Variants in ITFG1 observed in about 807,000 individuals in gnomAD.
ITFG1 encodes the protein T-cell immunomodulatory protein.
ITFG1 carries 34 observed loss-of-function variants against 81.8 expected under a neutral mutation model. The ratio of observed to expected loss-of-function variants is 0.42; its 90% CI spans 0.32 to 0.55. The LOEUF (loss-of-function observed/expected upper bound fraction) is 0.55, where lower values mean the gene tolerates loss of function less well. Among genes scored for constraint, ITFG1 ranks in the 20% least tolerant of loss-of-function variants. ITFG1 has a pLI of 0.17. For missense variants in ITFG1, 672 were observed against 755.4 expected (o/e 0.89, Z 1.29); for synonymous variants, 285 against 270.6 (o/e 1.05, Z -0.52).
At chr16:47,290,780 T>G (rs1056719043) in intron 10 of ITFG1, among the ~76,000 whole-genome samples, 1 of 152,154 alleles carries the variant, frequency 6.6e-6, no homozygotes, top group Non-Finnish European at 1.5e-5. Flanking sequence ...ATCTTTTAAG[T>G]GGGAAATTTA....
intron 14 of ITFG1, among the ~76,000 whole-genome samples, chr16:47,182,047 A>G (rs1006082907): frequency 5.9e-5 from 9 of 152,112 alleles, no homozygotes; most frequent in African/African-American, 1.9e-4. Context: ...AACACTGCGG[A>G]AGGCCACAGG....
chr16:47,365,950 C>G (rs1968172448), intron 7 of ITFG1, 81 bp from the exon 8 acceptor site: 1 of 726,984 alleles, frequency 1.4e-6, no homozygotes, highest in African/African-American at 1.8e-5. Context: ...TCTAACTGAA[C>G]TGGGGAAATA....
chr16:47,443,038 C>G (rs1001674564), intron 5 of ITFG1, among the ~76,000 whole-genome samples: 3 of 152,080 alleles, frequency 2.0e-5, no homozygotes, highest in Non-Finnish European at 4.4e-5. Flanking sequence ...CTACAATGAA[C>G]TCAAACAAAT....
chr16:47,307,105 A>C (rs1567453646), intron 10 of ITFG1, among the ~76,000 whole-genome samples: 4 of 143,924 alleles, frequency 2.8e-5, no homozygotes, highest in Non-Finnish European at 4.6e-5. Flanking sequence ...AAAAAAAAAA[A>C]AAAAAAAAAA....
At chr16:47,402,173 T>C (rs1217407032) in intron 6 of ITFG1, among the ~76,000 whole-genome samples, 3 of 152,150 alleles carry the variant, frequency 2.0e-5, no homozygotes, top group African/African-American at 4.8e-5. Flanking sequence ...CGAATCTTTA[T>C]ATAGTGTTTT....
intron 7 of ITFG1, among the ~76,000 whole-genome samples, chr16:47,375,277 C>T (rs1468343726): frequency 1.3e-5 from 2 of 152,102 alleles, no homozygotes; most frequent in East Asian, 3.9e-4. Context: ...CTGTCTTCTA[C>T]TATGTAGCCT....
At chr16:47,357,057 A>C (rs1968048996) in intron 8 of ITFG1, among the ~76,000 whole-genome samples, 1 of 152,102 alleles carries the variant, frequency 6.6e-6, no homozygotes, top group Admixed American at 6.5e-5. Flanking sequence ...AAAAAAAGAA[A>C]GAGCTATGCA....
At chr16:47,219,230 A>G (rs1412619896) in intron 13 of ITFG1, among the ~76,000 whole-genome samples, 1 of 152,192 alleles carries the variant, frequency 6.6e-6, no homozygotes, top group Non-Finnish European at 1.5e-5. Flanking sequence ...GGTATTTCTA[A>G]GACCAAATAT....
chr16:47,376,166 T>G (rs1412792792), intron 6 of ITFG1, among the ~76,000 whole-genome samples: 1 of 152,170 alleles, frequency 6.6e-6, no homozygotes, highest in Non-Finnish European at 1.5e-5. Context: ...TTCAAGAATA[T>G]TCCTTATTTC....
rs150135930 is a variant in ITFG1 at position 47,427,169 on chromosome 16, A to G, written c.655+1635T>C. On this transcript the variant is annotated intron_variant, in intron 6 of 17. Coordinates refer to ENST00000320640, the MANE Select transcript of ITFG1 (RefSeq NM_030790.5). ...CTCCTGTTGAAATAATGGGGCTGAC[A>G]ATAATCATTCATACCTCCTAACCAT... 9.4e-4 allele frequency among the ~76,000 whole-genome samples: 143 copies of G among 152,338 alleles called. 2 individuals are homozygous for G. In the East Asian group the frequency reaches 0.022, roughly 24 times the overall value.
chr16:47,337,553 G>A (rs1267216950), intron 8 of ITFG1, among the ~76,000 whole-genome samples: 1 of 152,196 alleles, frequency 6.6e-6, no homozygotes, highest in African/African-American at 2.4e-5. Flanking sequence ...CTGGGTGACA[G>A]AGTGAGACTC....
chr16:47,348,453 G>A (rs944402359), intron 8 of ITFG1, among the ~76,000 whole-genome samples: 3 of 152,024 alleles, frequency 2.0e-5, no homozygotes, highest in African/African-American at 7.3e-5. Context: ...TGGAAGAAAG[G>A]GTATCAGTGA....
intron 5 of ITFG1, among the ~76,000 whole-genome samples, chr16:47,435,554 A>G (rs1179799995): frequency 6.6e-6 from 1 of 152,224 alleles, no homozygotes; most frequent in Admixed American, 6.5e-5. Flanking sequence ...TTTAAATGTA[A>G]TTAATGTCAG....
intron 12 of ITFG1, among the ~76,000 whole-genome samples, chr16:47,240,221 G>A (rs1163864706): frequency 2.7e-5 from 4 of 150,510 alleles, no homozygotes; most frequent in African/African-American, 4.9e-5. Flanking sequence ...CACTTGAGCC[G>A]GGAAGCAGAG....
intron 14 of ITFG1, among the ~76,000 whole-genome samples, chr16:47,201,771 A>T (rs1017449671): frequency 7.9e-5 from 12 of 152,190 alleles, no homozygotes; most frequent in African/African-American, 2.4e-4. Context: ...AGTGGTCTAA[A>T]GTTTTATACA....
At chr16:47,455,511 C>T (rs940306608) in intron 2 of ITFG1, among the ~76,000 whole-genome samples, 1 of 151,468 alleles carries the variant, frequency 6.6e-6, no homozygotes, top group African/African-American at 2.4e-5. Flanking sequence ...GCCTGTAATC[C>T]CAGCACTTTG....
intron 10 of ITFG1, among the ~76,000 whole-genome samples, chr16:47,308,275 C>A (rs1264479782): frequency 6.6e-6 from 1 of 152,156 alleles, no homozygotes; most frequent in Non-Finnish European, 1.5e-5. Flanking sequence ...TATAAGTGTT[C>A]CCTTTTATCT....
chr16:47,351,077 AT>A (rs1317374755), intron 8 of ITFG1, among the ~76,000 whole-genome samples: 1 of 152,216 alleles, frequency 6.6e-6, no homozygotes, highest in Non-Finnish European at 1.5e-5. Flanking sequence ...AATAAGAGCT[AT>A]TTATGACAAA....
intron 8 of ITFG1, among the ~76,000 whole-genome samples, chr16:47,316,298 T>A (rs924512210): frequency 1.2e-4 from 18 of 152,220 alleles, no homozygotes; most frequent in Non-Finnish European, 2.5e-4. Context: ...ACAAGAAACA[T>A]CTGTTAAGCC....
Sources: allele counts gnomAD v4.1 joint callset (sites outside exome capture counted in the v4.1 genomes callset), GRCh38; gene constraint gnomAD v4.1.1; transcripts MANE v1.5; gene names NCBI Gene and HGNC (gene_info 2026-07-23, HGNC 2026-07-21).